KLF12: variants seen among roughly 807,000 people sequenced by gnomAD.
The protein encoded by KLF12 is KLF transcription factor 12.
A neutral mutation model predicts 37.8 loss-of-function variants in KLF12; 9 were observed. That is an observed-to-expected ratio of 0.24 (90% CI 0.14 to 0.42). The LOEUF is 0.42. KLF12 is among the 10% of genes least tolerant of loss of function. The probability of loss-of-function intolerance (pLI) is 1.00; values close to 1 mark genes in which losing one functional copy is unlikely to be tolerated. For missense variants in KLF12, 411 were observed against 516.0 expected (o/e 0.80, Z 1.97); for synonymous variants, 208 against 202.1 (o/e 1.03, Z -0.25).
At chr13:73,853,599 T>C (rs1361842174) in intron 3 of KLF12, among the ~76,000 whole-genome samples, 6 of 151,432 alleles carry the variant, frequency 4.0e-5, no homozygotes, top group African/African-American at 1.5e-4. Context: ...ATTAGCAGAG[T>C]GTGGTGGTGG....
At chr13:73,832,291 C>T (rs1210531731) in intron 4 of KLF12, among the ~76,000 whole-genome samples, 1 of 152,178 alleles carries the variant, frequency 6.6e-6, no homozygotes, top group South Asian at 2.1e-4. Flanking sequence ...AAGCTTTACG[C>T]TTCTCCAACT....
the KLF12 span, among the ~76,000 whole-genome samples, chr13:74,261,290 C>T: frequency 4.1e-3 from 627 of 151,956 alleles, 5 homozygotes; most frequent in African/African-American, 0.013. Context: ...AGAGAATAAG[C>T]GGAATAGAAG....
intron 1 of KLF12, among the ~76,000 whole-genome samples, chr13:74,080,839 G>A (rs1874841333): frequency 6.6e-6 from 1 of 152,124 alleles, no homozygotes; most frequent in South Asian, 2.1e-4. Context: ...AAAAAGGTAG[G>A]GTGTGGATTT....
the KLF12 span, among the ~76,000 whole-genome samples, chr13:74,244,143 T>C: frequency 6.6e-6 from 1 of 152,214 alleles, no homozygotes. Context: ...CACAGTTGAC[T>C]CTTCAGTAAT....
At chr13:74,010,378 G>A (rs993285814) in intron 1 of KLF12, among the ~76,000 whole-genome samples, 5 of 152,188 alleles carry the variant, frequency 3.3e-5, no homozygotes, top group Admixed American at 1.3e-4. Context: ...AACAATAATT[G>A]CAGAGTTCAG....
the KLF12 span, among the ~76,000 whole-genome samples, chr13:74,209,502 T>G: frequency 2.1e-5 from 3 of 142,482 alleles, no homozygotes; most frequent in African/African-American, 8.0e-5. Flanking sequence ...TATAAAAGAA[T>G]GAAGGAGATA....
chr13:74,166,360 G>C, the KLF12 span, among the ~76,000 whole-genome samples: 1 of 152,052 alleles, frequency 6.6e-6, no homozygotes, highest in African/African-American at 2.4e-5. Flanking sequence ...CCAAAGTGCT[G>C]GGATTATAGG....
chr13:74,244,063 G>C, the KLF12 span, among the ~76,000 whole-genome samples: 29 of 152,300 alleles, frequency 1.9e-4, no homozygotes, highest in African/African-American at 6.5e-4. Context: ...CATTATCACA[G>C]TTCCTGCTGT....
intron 3 of KLF12, among the ~76,000 whole-genome samples, chr13:73,895,069 T>C (rs550425982): frequency 3.2e-4 from 48 of 152,226 alleles, no homozygotes; most frequent in Non-Finnish European, 6.2e-4. Flanking sequence ...TGCTGGGTAT[T>C]TCCATTTATG....
chr13:73,782,952 C>T (rs192524477), intron 5 of KLF12, among the ~76,000 whole-genome samples: 6 of 152,268 alleles, frequency 3.9e-5, no homozygotes, highest in Admixed American at 6.5e-5. Context: ...GTATTCTGTA[C>T]GCAGAGCAGT....
intron 4 of KLF12, among the ~76,000 whole-genome samples, chr13:73,826,065 T>C (rs925226140): frequency 5.3e-5 from 8 of 152,016 alleles, no homozygotes; most frequent in Non-Finnish European, 8.8e-5. Context: ...CTCCGCCTCC[T>C]GGGTTCACGC....
chr13:73,737,496 C>A (rs1438528011), intron 6 of KLF12, among the ~76,000 whole-genome samples: 1 of 152,140 alleles, frequency 6.6e-6, no homozygotes, highest in Non-Finnish European at 1.5e-5. Context: ...GAACTAAATA[C>A]TCTTTCCTGC....
chr13:73,983,293 G>A (rs1021229699), intron 2 of KLF12, among the ~76,000 whole-genome samples: 2 of 152,192 alleles, frequency 1.3e-5, no homozygotes, highest in African/African-American at 4.8e-5. Context: ...CAGCCCTGCT[G>A]TACAGAAGCT....
intron 4 of KLF12, among the ~76,000 whole-genome samples, chr13:73,832,476 C>G (rs1884213493): frequency 1.3e-5 from 2 of 152,156 alleles, no homozygotes; most frequent in South Asian, 4.1e-4. Flanking sequence ...AAAGGCCACA[C>G]CGGAGATGAT....
In KLF12 at chr13:73,689,243, A is replaced by C. The variant is rs1349423832; in HGVS notation, c.*6247T>G. 2.6e-5 allele frequency: 4 copies of C among 152,066 alleles called. No homozygotes were observed. The highest frequency in any genetic ancestry group is 9.7e-5 in the African/African-American group (4 of 41,386). The allele number at this position is 152,066 out of a possible 1,614,324, so 9.4% of individuals were successfully genotyped here. A position where few individuals can be genotyped will look rare whatever the true frequency, so the allele number is the denominator to read the frequency against. On this transcript the variant is annotated 3_prime_UTR_variant, in exon 8 of 8. Transcript: ENST00000377669. ...TTATTTTACCCCCTTATCCTGGTACATTTCCGTCTCCCTTTTCTTCTTTCT... is the reference window on the plus strand; with the variant it reads ...TTATTTTACCCCCTTATCCTGGTACCTTTCCGTCTCCCTTTTCTTCTTTCT...
At chr13:73,816,240 A>C (rs1883208502) in intron 4 of KLF12, among the ~76,000 whole-genome samples, 1 of 152,208 alleles carries the variant, frequency 6.6e-6, no homozygotes, top group South Asian at 2.1e-4. Context: ...TGAGCATCTC[A>C]GCCCATTTAG....
chr13:73,994,146 G>T (rs1364095664), intron 2 of KLF12, among the ~76,000 whole-genome samples: 1 of 152,204 alleles, frequency 6.6e-6, no homozygotes, highest in Non-Finnish European at 1.5e-5. Flanking sequence ...AAAATCACTT[G>T]TAAGTAGCTG....
intron 1 of KLF12, among the ~76,000 whole-genome samples, chr13:73,995,870 T>G (rs1022824281): frequency 1.3e-5 from 2 of 152,234 alleles, no homozygotes; most frequent in Admixed American, 1.3e-4. Context: ...CAAATTTTCT[T>G]TGGCATTCAG....
At chr13:73,967,843 T>C (rs1294694026) in intron 2 of KLF12, among the ~76,000 whole-genome samples, 1 of 152,172 alleles carries the variant, frequency 6.6e-6, no homozygotes, top group Non-Finnish European at 1.5e-5. Flanking sequence ...AGACTAATAA[T>C]TATGAGCATC....
Sources: gnomAD v4.1 joint callset for allele counts (sites outside exome capture counted in the v4.1 genomes callset) on GRCh38, gnomAD v4.1.1 for gene constraint, MANE v1.5 for transcripts, NCBI Gene and HGNC (gene_info 2026-07-23, HGNC 2026-07-21) for gene names.